The following SF3B3 variants were observed in gnomAD, a reference collection of about 807,000 sequenced individuals.
SF3B3 encodes SAP 130.
Under a neutral mutation model 139.2 loss-of-function variants are expected in SF3B3, and 33 were observed. The observed-to-expected ratio is 0.24, with a 90% CI of 0.18 to 0.32. SF3B3 has a LOEUF of 0.32. SF3B3 is among the 10% of genes least tolerant of loss of function. The pLI is 1.00. For synonymous variants in SF3B3, 596 were observed against 563.6 expected (o/e 1.06, Z -0.81); for missense variants, 818 against 1,509.4 (o/e 0.54, Z 7.59).
At position 70,576,636 on chromosome 16, in the gene SF3B3, A is replaced by T. The variant is rs1371685673; in HGVS notation, c.*4823A>T. 2 of 152,182 alleles carry T rather than the reference A, an allele frequency of 1.3e-5. No individual in the cohort carries two copies. The highest frequency in any genetic ancestry group is 2.9e-5 in the Non-Finnish European group (2 of 68,036). 9.4% of individuals were successfully genotyped at this position (152,182 alleles called of 1,614,324 possible). Reference sequence around the variant, plus strand: ...AGCTGTTATGAGGACACACTGGGGAATCTCAGCTTTAGGGAGTCGATGATG... The same window carrying T: ...AGCTGTTATGAGGACACACTGGGGATTCTCAGCTTTAGGGAGTCGATGATG... On this transcript the variant is annotated 3_prime_UTR_variant, in exon 26 of 26. Coordinates refer to ENST00000302516, the MANE Select transcript of SF3B3 (RefSeq NM_012426.5).
intron 20 of SF3B3, 79 bp from the exon 21 acceptor site, chr16:70,567,332 A>T: frequency 1.4e-6 from 2 of 1,452,756 alleles, no homozygotes; most frequent in South Asian, 1.3e-5. Flanking sequence ...CTGTGGAAGT[A>T]GGCATTTCTG....
chr16:70,528,163 T>C (rs1182493653), intron 2 of SF3B3, among the ~76,000 whole-genome samples: 1 of 108,002 alleles, frequency 9.3e-6, no homozygotes, highest in Admixed American at 8.2e-5. Flanking sequence ...AGAAGTTTTC[T>C]TTTTTTTTTT....
chr16:70,534,782 C>T (rs1475988076), intron 5 of SF3B3, among the ~76,000 whole-genome samples: 1 of 152,174 alleles, frequency 6.6e-6, no homozygotes, highest in African/African-American at 2.4e-5. Context: ...AGTTCTCCTG[C>T]CTCAGCCTCC....
At chr16:70,536,521 C>T (rs567832435) in intron 6 of SF3B3, among the ~76,000 whole-genome samples, 5 of 151,192 alleles carry the variant, frequency 3.3e-5, no homozygotes, top group Middle Eastern at 6.3e-3. Flanking sequence ...CCCACCACCA[C>T]GCCCGGCTAA....
chr16:70,556,079 A>T, intron 13 of SF3B3, 100 bp from the exon 14 acceptor site: 1 of 1,183,278 alleles, frequency 8.5e-7, no homozygotes, highest in African/African-American at 1.5e-5. Flanking sequence ...AAAATACAAC[A>T]GCCCTCCTTC....
At chr16:70,555,508 G>A (rs967071569) in intron 13 of SF3B3, among the ~76,000 whole-genome samples, 1 of 149,552 alleles carries the variant, frequency 6.7e-6, no homozygotes, top group Non-Finnish European at 1.5e-5. Context: ...AAAGCGAGCT[G>A]GAGTGACAGT....
At chr16:70,561,076 A>C (rs150539324) in intron 16 of SF3B3, among the ~76,000 whole-genome samples, 4,800 of 151,910 alleles carry the variant, frequency 0.032, 288 homozygotes, top group African/African-American at 0.11. Flanking sequence ...GCTGGAATGT[A>C]GTGGTGCAAG....
intron 20 of SF3B3, among the ~76,000 whole-genome samples, chr16:70,566,789 T>C (rs1048402257): frequency 2.0e-5 from 3 of 151,980 alleles, no homozygotes; most frequent in Non-Finnish European, 4.4e-5. Context: ...TGGCTCACGC[T>C]TGTAATCCCA....
chr16:70,555,897 A>G (rs1253888405), intron 13 of SF3B3, among the ~76,000 whole-genome samples: 1 of 152,232 alleles, frequency 6.6e-6, no homozygotes, highest in Non-Finnish European at 1.5e-5. Flanking sequence ...CTGAGAACAA[A>G]GTTGGCTCAG....
chr16:70,531,480 T>A (rs1019141139), intron 4 of SF3B3, among the ~76,000 whole-genome samples: 13 of 152,128 alleles, frequency 8.5e-5, no homozygotes, highest in African/African-American at 3.1e-4. Flanking sequence ...TTTCACTATG[T>A]TGGCCAGGCT....
chr16:70,546,084 A>G (rs893683674), intron 10 of SF3B3, among the ~76,000 whole-genome samples: 7 of 152,126 alleles, frequency 4.6e-5, no homozygotes, highest in Non-Finnish European at 1.0e-4. Flanking sequence ...CTCCCACCTT[A>G]GCTTCTGGAG....
intron 5 of SF3B3, among the ~76,000 whole-genome samples, chr16:70,534,043 A>G (rs921081017): frequency 5.3e-5 from 8 of 152,176 alleles, no homozygotes; most frequent in African/African-American, 1.7e-4. Context: ...AAATAACCAA[A>G]ACAATTACCA....
intron 15 of SF3B3, 100 bp downstream of exon 15, chr16:70,557,129 G>T (rs1329337956): frequency 7.9e-7 from 1 of 1,272,322 alleles, no homozygotes; most frequent in Non-Finnish European, 1.1e-6. Flanking sequence ...CATGGTTTCA[G>T]ATCCTCACCT....
chr16:70,531,786 C>G (rs574435848), intron 4 of SF3B3, among the ~76,000 whole-genome samples: 4 of 152,236 alleles, frequency 2.6e-5, no homozygotes, highest in Non-Finnish European at 5.9e-5. Flanking sequence ...ACAGAACATA[C>G]TATTGTTTTC....
Position 70,572,207 on chromosome 16 carries a change from G to A in SF3B3, c.*394G>A. On this transcript the variant is annotated 3_prime_UTR_variant, in exon 26 of 26. Coordinates refer to ENST00000302516, the MANE Select transcript of SF3B3 (RefSeq NM_012426.5). ...TTATCTCTGTGGGAGGAAGGAGGCAGGCTGTGGTGGGACTGGGTAGGGTAT... is the reference window on the plus strand; with the variant it reads ...TTATCTCTGTGGGAGGAAGGAGGCAAGCTGTGGTGGGACTGGGTAGGGTAT... 2.2e-6 allele frequency: 1 copy of A among 449,416 alleles called. No homozygotes were observed. Among genetic ancestry groups the A allele is most frequent in the Non-Finnish European group, 4.5e-6 (1 of 223,680 alleles). The allele number at this position is 449,416 out of a possible 1,614,324, so 27.8% of individuals were successfully genotyped here. A position where few individuals can be genotyped will look rare whatever the true frequency, so the allele number is the denominator to read the frequency against.
chr16:70,525,957 CAAAAAAAAAAAAAAA>C (rs920550920), intron 1 of SF3B3, among the ~76,000 whole-genome samples: 950 of 42,282 alleles, frequency 0.022, 18 homozygotes, highest in African/African-American at 0.08. Flanking sequence ...TGAGACGCCT[CAAAAAAAAAAAAAAA>C]AAAAAAAAGG....
intron 4 of SF3B3, among the ~76,000 whole-genome samples, chr16:70,531,635 C>T (rs1223521148): frequency 1.3e-5 from 2 of 152,190 alleles, no homozygotes; most frequent in African/African-American, 4.8e-5. Flanking sequence ...AAATGCCTTA[C>T]TGAAATTCTT....
At chr16:70,571,560 G>A in intron 25 of SF3B3, 113 bp from the exon 26 acceptor site, 1 of 1,168,074 alleles carries the variant, frequency 8.6e-7, no homozygotes, top group Non-Finnish European at 1.2e-6. Context: ...GTGAGACCCT[G>A]TCTCAAAAAC....
intron 20 of SF3B3, 152 bp from the exon 21 acceptor site, chr16:70,567,259 C>T: frequency 1.3e-6 from 1 of 781,988 alleles, no homozygotes; most frequent in Non-Finnish European, 2.0e-6. Context: ...GGAACTTGTT[C>T]ACCCCAACAC....
Sources: gnomAD v4.1 joint callset for allele counts (sites outside exome capture counted in the v4.1 genomes callset) on GRCh38, gnomAD v4.1.1 for gene constraint, MANE v1.5 for transcripts, NCBI Gene and HGNC (gene_info 2026-07-23, HGNC 2026-07-21) for gene names.